The following PTGFR variants were observed in gnomAD, a reference collection of about 807,000 sequenced individuals.
The protein encoded by PTGFR is prostaglandin F2-alpha receptor.
PTGFR carries 15 observed loss-of-function variants against 26.2 expected under a neutral mutation model. The ratio of observed to expected loss-of-function variants is 0.57; its 90% CI spans 0.38 to 0.88. The LOEUF is 0.88. PTGFR is among the 40% of genes least tolerant of loss of function. PTGFR has a pLI of 0.00. For missense variants in PTGFR, 369 were observed against 427.2 expected, an observed-to-expected ratio of 0.86 and a Z score of 1.20; for synonymous variants, 165 against 151.1, an observed-to-expected ratio of 1.09 and a Z score of -0.68.
intron 2 of PTGFR, among the ~76,000 whole-genome samples, chr1:78,515,375 T>G (rs1461612448): frequency 2.0e-5 from 3 of 152,214 alleles, no homozygotes; most frequent in Non-Finnish European, 4.4e-5. Flanking sequence ...ATTTTATAAT[T>G]AAAATCAGAA....
At chr1:78,510,835 A>C (rs550606600) in intron 2 of PTGFR, among the ~76,000 whole-genome samples, 1 of 152,352 alleles carries the variant, frequency 6.6e-6, no homozygotes, top group East Asian at 1.9e-4. Flanking sequence ...CAATGGTGGT[A>C]CAAGCATTAG....
chr1:78,524,806 A>G (rs563271338), intron 2 of PTGFR, among the ~76,000 whole-genome samples: 1 of 151,460 alleles, frequency 6.6e-6, no homozygotes, highest in Non-Finnish European at 1.5e-5. Flanking sequence ...TCCAGTTCTA[A>G]CCTTCTGTAT....
At chr1:78,531,380 G>T (rs770398537) in intron 2 of PTGFR, among the ~76,000 whole-genome samples, 9 of 152,138 alleles carry the variant, frequency 5.9e-5, no homozygotes, top group Non-Finnish European at 1.0e-4. Flanking sequence ...CCAGGTAGGA[G>T]TCTCTACATC....
intron 2 of PTGFR, among the ~76,000 whole-genome samples, chr1:78,526,863 C>T (rs778266180): frequency 1.3e-5 from 2 of 152,026 alleles, no homozygotes; most frequent in Non-Finnish European, 1.5e-5. Context: ...CTGTGCTGAT[C>T]GTAGAATTAA....
chr1:78,497,745 C>T (rs1015972700), intron 2 of PTGFR: 3 of 664,576 alleles, frequency 4.5e-6, no homozygotes, highest in South Asian at 3.4e-5. Context: ...AGGTTAACAG[C>T]CAAGCAGACT....
chr1:78,508,500 G>C (rs1452788468), intron 2 of PTGFR, among the ~76,000 whole-genome samples: 2 of 152,078 alleles, frequency 1.3e-5, no homozygotes, highest in African/African-American at 4.8e-5. Flanking sequence ...CCCCTTTACT[G>C]CTCCAAGTAC....
At chr1:78,496,025 T>A (rs922071548) in intron 2 of PTGFR, among the ~76,000 whole-genome samples, 3 of 152,212 alleles carry the variant, frequency 2.0e-5, no homozygotes, top group African/African-American at 7.2e-5. Flanking sequence ...TATTACTTTA[T>A]GGGCTGATAT....
At chr1:78,497,727 A>G in intron 2 of PTGFR, 1 of 626,010 alleles carries the variant, frequency 1.6e-6, no homozygotes, top group Non-Finnish European at 2.9e-6. Context: ...ATGGATTCTG[A>G]GTTTTGTAGG....
chr1:78,509,772 A>G (rs2100368052), intron 2 of PTGFR, among the ~76,000 whole-genome samples: 1 of 152,322 alleles, frequency 6.6e-6, no homozygotes, highest in Non-Finnish European at 1.5e-5. Flanking sequence ...TATAAATGCT[A>G]GCCTGCTTAT....
At chr1:78,534,695 T>C (rs1395218774) in intron 2 of PTGFR, among the ~76,000 whole-genome samples, 1 of 142,942 alleles carries the variant, frequency 7.0e-6, no homozygotes, top group Non-Finnish European at 1.6e-5. Flanking sequence ...ATTACATATT[T>C]GGTTTTTTTT....
chr1:78,514,040 G>A (rs1414659245), intron 2 of PTGFR, among the ~76,000 whole-genome samples: 1 of 152,214 alleles, frequency 6.6e-6, no homozygotes, highest in African/African-American at 2.4e-5. Flanking sequence ...CTGCAGGGGT[G>A]GAACCCCCAC....
chr1:78,523,741 A>C (rs1274430594), intron 2 of PTGFR, among the ~76,000 whole-genome samples: 1 of 152,156 alleles, frequency 6.6e-6, no homozygotes, highest in Admixed American at 6.6e-5. Context: ...ATTATGGTGA[A>C]CCATATTCTG....
At chr1:78,508,607 T>C (rs1490280774) in intron 2 of PTGFR, among the ~76,000 whole-genome samples, 1 of 152,130 alleles carries the variant, frequency 6.6e-6, no homozygotes, top group African/African-American at 2.4e-5. Context: ...CCCTGACTTC[T>C]ATCTCTGATC....
At chr1:78,531,177 T>C (rs1235489395) in intron 2 of PTGFR, among the ~76,000 whole-genome samples, 1 of 152,148 alleles carries the variant, frequency 6.6e-6, no homozygotes, top group Non-Finnish European at 1.5e-5. Flanking sequence ...TTCTTTAAAG[T>C]TGAATCGAAC....
intron 2 of PTGFR, among the ~76,000 whole-genome samples, chr1:78,503,276 CTA>C (rs1649753128): frequency 6.6e-6 from 1 of 151,938 alleles, no homozygotes; most frequent in African/African-American, 2.4e-5. Flanking sequence ...GTATTTTATA[CTA>C]TCTTTTGATA....
chr1:78,496,215 G>A (rs116585897), intron 2 of PTGFR, among the ~76,000 whole-genome samples: 4,050 of 152,218 alleles, frequency 0.027, 87 homozygotes, highest in African/African-American at 0.056. Context: ...ACAGGCTTAA[G>A]AATCTCAAAA....
At chr1:78,533,937 C>A (rs905237114) in intron 2 of PTGFR, among the ~76,000 whole-genome samples, 1 of 152,134 alleles carries the variant, frequency 6.6e-6, no homozygotes, top group African/African-American at 2.4e-5. Flanking sequence ...TGGCAATGAA[C>A]ATATACTATC....
At position 78,493,387 on chromosome 1, in the gene PTGFR, T is replaced by C; in HGVS notation, c.644T>C (p.Val215Ala). ...FSFLGLLALG[V>A]SLLCNAITGI... ...TTTCTGGGGCTCTTAGCCCTTGGTG[T>C]TTCATTGTTGTGCAATGCAATCACA... The change falls in exon 2 of 3, where the codon GTT becomes GCT. Residue 215 changes from valine (V) to alanine (A), a missense_variant. Physicochemically the swap from Val to Ala is moderately conservative, Grantham distance 64 (BLOSUM62 0). Coordinates refer to ENST00000370757, the MANE Select transcript of PTGFR (RefSeq NM_000959.4). 2 of 1,613,600 alleles carry C rather than the reference T, an allele frequency of 1.2e-6. No individual in the cohort carries two copies. Among genetic ancestry groups the C allele is most frequent in the Non-Finnish European group, 1.7e-6 (2 of 1,179,876 alleles).
intron 2 of PTGFR, among the ~76,000 whole-genome samples, chr1:78,521,280 C>T (rs1650235792): frequency 6.6e-6 from 1 of 152,032 alleles, no homozygotes; most frequent in African/African-American, 2.4e-5. Context: ...TTTACCCTTC[C>T]CAGTGATTTC....
Sources: gnomAD v4.1 joint callset for allele counts (sites outside exome capture counted in the v4.1 genomes callset) on GRCh38, gnomAD v4.1.1 for gene constraint, MANE v1.5 for transcripts, NCBI Gene and HGNC (gene_info 2026-07-23, HGNC 2026-07-21) for gene names.